The following SLC9A1 variants were observed in gnomAD, a reference collection of about 807,000 sequenced individuals.
SLC9A1 encodes sodium/hydrogen exchanger 1.
Under a neutral mutation model 67.9 loss-of-function variants are expected in SLC9A1, and 22 were observed. The observed-to-expected ratio is 0.32, with a 90% CI of 0.23 to 0.46. SLC9A1 has a LOEUF of 0.46. Ranked by LOEUF, SLC9A1 falls within the 20% of genes least tolerant of loss-of-function variation. The probability of loss-of-function intolerance (pLI) is 1.00; values close to 1 mark genes in which losing one functional copy is unlikely to be tolerated. For missense variants in SLC9A1, 686 were observed against 1,094.8 expected (o/e 0.63, Z 5.27); for synonymous variants, 421 against 471.8 (o/e 0.89, Z 1.40).
intron 1 of SLC9A1, among the ~76,000 whole-genome samples, chr1:27,133,478 T>C (rs1308190381): frequency 6.6e-6 from 1 of 152,136 alleles, no homozygotes; most frequent in Non-Finnish European, 1.5e-5. Context: ...AGAAGAAGTG[T>C]AAGAGACTAC....
chr1:27,135,689 CA>C (rs1557430454), intron 1 of SLC9A1, among the ~76,000 whole-genome samples: 2 of 152,030 alleles, frequency 1.3e-5, no homozygotes, highest in Admixed American at 6.6e-5. Context: ...TCACAATTGT[CA>C]AAAAAAGGGA....
rs547605711 is a variant in SLC9A1 at position 27,101,210 on chromosome 1, G to C, written c.2103C>G (p.Ile701Met). 1.2e-6 allele frequency: 2 copies of C among 1,610,482 alleles called. No homozygotes were observed. The highest frequency in any genetic ancestry group is 1.7e-6 in the Non-Finnish European group (2 of 1,179,810). ...LDSPTMSRAR[I>M]GSDPLAYEPK... is the part of the protein sequence containing the mutation. ...CCCTCGCCAGGCCCTTACCTGAGCCGATGCGGGCCCGAGACATGGTGGGTG... is the reference window on the plus strand; with the variant it reads ...CCCTCGCCAGGCCCTTACCTGAGCCCATGCGGGCCCGAGACATGGTGGGTG... The change falls in exon 11 of 12, where the codon ATC (isoleucine) becomes ATG (methionine). Residue 701 changes from isoleucine to methionine, a missense_variant. Around this residue, in one of 7 missense-constraint regions of SLC9A1, gnomAD observed 226 missense variants for 282.4 expected, o/e 0.80. Coordinates refer to ENST00000263980, the MANE Select transcript of SLC9A1 (RefSeq NM_003047.5). The surrounding 1 kb of genome is among the most constrained non-coding windows in gnomAD (Gnocchi z 4.9).
At position 27,118,668 on chromosome 1, in the gene SLC9A1, G is replaced by A. The variant is rs1175020458; in HGVS notation, c.353-4382C>T. Reference sequence around the variant, plus strand: ...ACATGCAGCAGCAGTGATGTCACCAGGGTGAAATCAGGGATGGGAAGAGGC... The same window carrying A: ...ACATGCAGCAGCAGTGATGTCACCAAGGTGAAATCAGGGATGGGAAGAGGC... On this transcript the variant is annotated intron_variant, in intron 1 of 11. Coordinates refer to ENST00000263980, the MANE Select transcript of SLC9A1 (RefSeq NM_003047.5). This position sits in a 1 kb window ranked among gnomAD's most constrained non-coding sequence, Gnocchi z 4.3. Among the ~76,000 whole-genome samples the A allele has an allele frequency of 1.3e-5, 2 of 152,192 alleles. No homozygotes were observed. The highest frequency in any genetic ancestry group is 2.9e-5 in the Non-Finnish European group (2 of 68,030).
rs2083124095 is a variant in SLC9A1 at position 27,099,541 on chromosome 1, GCAAA to G, written c.*762_*765del. ...TTTTAAAAACAGGAGCGCCCTCTGT[GCAAA>G]CAATCATATATAGGAGTGTGAACAA... On this transcript the variant is annotated 3_prime_UTR_variant, in exon 12 of 12. Coordinates refer to ENST00000263980, the MANE Select transcript of SLC9A1 (RefSeq NM_003047.5). 1 of 152,626 alleles carries G rather than the reference GCAAA, an allele frequency of 6.6e-6. No homozygotes were observed. The highest frequency in any genetic ancestry group is 1.5e-5 in the Non-Finnish European group (1 of 68,092). 9.5% of individuals were successfully genotyped at this position (152,626 alleles called of 1,614,324 possible).
chr1:27,151,459 C>T (rs1307817686), intron 1 of SLC9A1, among the ~76,000 whole-genome samples: 10 of 152,144 alleles, frequency 6.6e-5, no homozygotes, highest in African/African-American at 2.2e-4. Flanking sequence ...CTCCTGGGTT[C>T]AAGCGATCCT....
At chr1:27,141,819 C>T (rs773199387) in intron 1 of SLC9A1, among the ~76,000 whole-genome samples, 23 of 152,230 alleles carry the variant, frequency 1.5e-4, no homozygotes, top group Non-Finnish European at 2.6e-4. Context: ...GCTGGCATAA[C>T]GCCTACCTGG....
At chr1:27,135,464 T>C (rs2083414072) in intron 1 of SLC9A1, among the ~76,000 whole-genome samples, 1 of 151,592 alleles carries the variant, frequency 6.6e-6, no homozygotes, top group Non-Finnish European at 1.5e-5. Flanking sequence ...TAACTTGCAT[T>C]TTTCTTCTTT....
At chr1:27,110,213 C>T (rs1390998091) in intron 2 of SLC9A1, among the ~76,000 whole-genome samples, 1 of 152,198 alleles carries the variant, frequency 6.6e-6, no homozygotes, top group Non-Finnish European at 1.5e-5. Flanking sequence ...GCAGTGTTAG[C>T]CACATCTGGT....
chr1:27,140,599 G>T (rs987769565), intron 1 of SLC9A1, among the ~76,000 whole-genome samples: 4 of 152,162 alleles, frequency 2.6e-5, no homozygotes, highest in Non-Finnish European at 5.9e-5. Context: ...CTCAGACAGG[G>T]TGATGTAGCT....
rs148527788 is a variant in SLC9A1, at chr1:27,100,619, C to T, written c.2136G>A (p.Glu712=). 203 of 1,610,722 alleles carry T rather than the reference C, an allele frequency of 1.3e-4. No individual in the cohort carries two copies. In the African/African-American group the frequency reaches 1.7e-3, roughly 13 times the overall value. Residue 712 remains glutamate (E), a synonymous_variant, in exon 12 of 12, where the codon GAG becomes GAA. Coordinates refer to ENST00000263980, the MANE Select transcript of SLC9A1 (RefSeq NM_003047.5). The surrounding 1 kb of genome is among the most constrained non-coding windows in gnomAD (Gnocchi z 5.6). The part of the protein sequence containing the change: ...GSDPLAYEPK[E]DLPVITIDPA... ...GGTCGATGGTGATGACAGGCAGGTCCTCCTTCGGCTCATAGGCCAGTGGGT... is the reference window on the plus strand; with the variant it reads ...GGTCGATGGTGATGACAGGCAGGTCTTCCTTCGGCTCATAGGCCAGTGGGT...
At chr1:27,149,806 G>A (rs933682453) in intron 1 of SLC9A1, among the ~76,000 whole-genome samples, 1 of 152,224 alleles carries the variant, frequency 6.6e-6, no homozygotes, top group Non-Finnish European at 1.5e-5. Flanking sequence ...TTCTGACTAC[G>A]TCTTTCCTTT....
chr1:27,149,113 C>T (rs1032168654), intron 1 of SLC9A1, among the ~76,000 whole-genome samples: 2 of 152,192 alleles, frequency 1.3e-5, no homozygotes, highest in African/African-American at 4.8e-5. Context: ...ACAGCTTTCT[C>T]AAGGCAGGGA....
intron 1 of SLC9A1, among the ~76,000 whole-genome samples, chr1:27,151,383 G>A (rs769665394): frequency 2.6e-5 from 4 of 151,810 alleles, no homozygotes; most frequent in East Asian, 1.9e-4. Context: ...ATTTAGAGAC[G>A]GAATTTCACT....
At chr1:27,124,656 G>A (rs2083328315) in intron 1 of SLC9A1, among the ~76,000 whole-genome samples, 3 of 152,174 alleles carry the variant, frequency 2.0e-5, no homozygotes, top group Non-Finnish European at 4.4e-5. Context: ...CAGCCTCTGG[G>A]AGGCAACTGG....
chr1:27,102,623 G>A (rs746888674), intron 7 of SLC9A1, 50 bp downstream of exon 7: 2 of 1,612,386 alleles, frequency 1.2e-6, no homozygotes, highest in South Asian at 2.2e-5. Flanking sequence ...CCCAGGCCCA[G>A]GAGACCCTTG....
chr1:27,141,337 C>G (rs2083451972), intron 1 of SLC9A1, among the ~76,000 whole-genome samples: 1 of 152,238 alleles, frequency 6.6e-6, no homozygotes, highest in Non-Finnish European at 1.5e-5. Context: ...AACCACCATG[C>G]CTGTGGGCAT....
chr1:27,154,341 G>A lies in SLC9A1; in HGVS notation c.-7C>T. 1.9e-6 allele frequency: 3 copies of A among 1,561,708 alleles called. No individual in the cohort carries two copies. In the Middle Eastern group the frequency reaches 5.1e-4, roughly 267 times the overall value. On this transcript the variant is annotated 5_prime_UTR_variant, in exon 1 of 12. Transcript: ENST00000263980. ...TGCCAGACCGCAGAACCATGGTGCT[G>A]CTTCCAGAGCCAGCCTCGACCTTAC...
At chr1:27,131,947 A>AAAAAAAATATATATAT in intron 1 of SLC9A1, among the ~76,000 whole-genome samples, 45 of 52,092 alleles carry the variant, frequency 8.6e-4, no homozygotes, top group African/African-American at 2.5e-3. Flanking sequence ...AGAAAAAAAA[A>AAAAAAAATATATATAT]ATATATATAT....
At chr1:27,146,205 G>C (rs868027957) in intron 1 of SLC9A1, among the ~76,000 whole-genome samples, 2 of 152,266 alleles carry the variant, frequency 1.3e-5, no homozygotes, top group Admixed American at 1.3e-4. Context: ...GGAGGAAAGG[G>C]GGCAGGTGGG....
Sources: allele counts gnomAD v4.1 joint callset (sites outside exome capture counted in the v4.1 genomes callset), GRCh38; gene constraint gnomAD v4.1.1; regional missense constraint gnomAD v4.1.1; non-coding constraint Gnocchi (gnomAD v3.1); transcripts MANE v1.5; gene names NCBI Gene and HGNC (gene_info 2026-07-23, HGNC 2026-07-21).